Variants in CRTC1 observed in about 807,000 individuals in gnomAD.
CRTC1 encodes the protein CREB regulated transcription coactivator 1.
Under a neutral mutation model 66.1 loss-of-function variants are expected in CRTC1, and 18 were observed. The ratio of observed to expected loss-of-function variants is 0.27; its 90% CI spans 0.19 to 0.40. The LOEUF is 0.40. CRTC1 is among the 10% of genes least tolerant of loss of function. The pLI, the probability that CRTC1 is intolerant of heterozygous loss-of-function variation, is 1.00. For synonymous variants in CRTC1, 416 were observed against 398.8 expected, an observed-to-expected ratio of 1.04 and a Z score of -0.51; for missense variants, 669 against 887.9, an observed-to-expected ratio of 0.75 and a Z score of 3.13.
intron 1 of CRTC1, among the ~76,000 whole-genome samples, chr19:18,693,491 T>G (rs973269818): frequency 7.9e-5 from 12 of 151,224 alleles, no homozygotes; most frequent in Non-Finnish European, 1.0e-4. Flanking sequence ...TTTTGTTTTT[T>G]TTTTTTTTGA....
At chr19:18,767,767 C>G (rs935310471) in intron 9 of CRTC1, among the ~76,000 whole-genome samples, 3 of 152,212 alleles carry the variant, frequency 2.0e-5, no homozygotes, top group African/African-American at 7.2e-5. Context: ...TCTGGAAACT[C>G]CTTTCTCTTC....
Position 18,775,686 on chromosome 19 carries a change from C to A in CRTC1, c.1558C>A (p.Leu520Met), listed in dbSNP as rs745775667. ...GGAGAACGCCATCAGCTCCAGCAGC[C>A]TGTACAGCCCGGGCTCCACACTCAA... The part of the protein sequence containing the change: ...MMENAISSSS[L>M]YSPGSTLNYS... The change falls in exon 13 of 14, where the codon CTG becomes ATG. Residue 520 changes from leucine (L) to methionine (M), a missense_variant. This residue lies in a region of CRTC1 where 79 missense variants were observed against 100.1 expected (regional missense o/e 0.79). Coordinates refer to ENST00000321949, the MANE Select transcript of CRTC1 (RefSeq NM_015321.3). 1.9e-6 allele frequency: 3 copies of A among 1,611,450 alleles called. No individual in the cohort carries two copies. The highest frequency in any genetic ancestry group is 1.7e-5 in the Admixed American group (1 of 59,634).
Position 18,760,186 on chromosome 19 carries a change from G to A in CRTC1, c.844G>A (p.Ala282Thr), listed in dbSNP as rs369687682. 9.3e-6 allele frequency: 15 copies of A among 1,612,988 alleles called. No individual in the cohort carries two copies. Among genetic ancestry groups the A allele is most frequent in the East Asian group, 6.7e-5 (3 of 44,874 alleles). The part of the protein sequence containing the change: ...LSSSSSTGNL[A>T]ANLTHLGIGG... ...CAGCTCCAGCAGCACCGGCAACCTC[G>A]CGGCCAACCTGACGCACCTGGGCAT... is the stretch of plus-strand genomic sequence containing the variant. The change falls in exon 8 of 14, where the codon GCG (alanine) becomes ACG (threonine). Residue 282 changes from alanine to threonine, a missense_variant. Ala to Thr is a moderately conservative substitution (Grantham distance 58, BLOSUM62 0). Around this residue, in one of 8 missense-constraint regions of CRTC1, gnomAD observed 214 missense variants for 323.4 expected, o/e 0.66. Transcript: ENST00000321949. This position sits in a 1 kb window ranked among gnomAD's most constrained non-coding sequence, Gnocchi z 6.2.
Position 18,743,661 on chromosome 19 carries a change from A to G in CRTC1, c.243+635A>G, listed in dbSNP as rs373955531. ...GGGTCACACCTACTCTGTGGCTGAG[A>G]AAACCACCTCGGACACAGCCATGGC... is the stretch of plus-strand genomic sequence containing the variant. On this transcript the variant is annotated intron_variant, in intron 2 of 13. Transcript: ENST00000321949. Among the ~76,000 whole-genome samples, 11 of 152,224 alleles carry G rather than the reference A, an allele frequency of 7.2e-5. No homozygotes were observed. In the East Asian group the frequency reaches 7.8e-4, roughly 11 times the overall value.
intron 4 of CRTC1, among the ~76,000 whole-genome samples, chr19:18,748,514 C>T (rs570157080): frequency 2.3e-4 from 34 of 146,364 alleles, no homozygotes; most frequent in African/African-American, 8.0e-4. Context: ...GCCACTGTGC[C>T]TGGCTGTTAT....
At chr19:18,733,554 G>A (rs4808852) in intron 1 of CRTC1, among the ~76,000 whole-genome samples, 33,538 of 152,170 alleles carry the variant, frequency 0.22, 3,897 homozygotes, top group East Asian at 0.3. Context: ...CCAGGGCCCA[G>A]GAGACTCAGC....
rs1431103687 is a variant in CRTC1, at chr19:18,771,985, C to T, written c.1425+439C>T. Among the ~76,000 whole-genome samples the T allele has an allele frequency of 6.6e-6, 1 of 152,314 alleles. No individual in the cohort carries two copies. The highest frequency in any genetic ancestry group is 1.9e-4 in the East Asian group (1 of 5,180). On this transcript the variant is annotated intron_variant, in intron 11 of 13. Transcript: ENST00000321949. The surrounding 1 kb of genome is among the most constrained non-coding windows in gnomAD (Gnocchi z 4.6). ...CGCTGACTCTGCAGCCCTGCTTTCC[C>T]CTTCACCCCATAGGCAGCTGTGTTT...
intron 6 of CRTC1, among the ~76,000 whole-genome samples, chr19:18,756,164 T>C (rs2054480604): frequency 6.6e-6 from 1 of 151,776 alleles, no homozygotes; most frequent in African/African-American, 2.4e-5. Flanking sequence ...TAAAATCCCG[T>C]TTCTACTAAA....
At chr19:18,735,883 C>T (rs80349279) in intron 1 of CRTC1, among the ~76,000 whole-genome samples, 2,122 of 152,304 alleles carry the variant, frequency 0.014, 28 homozygotes, top group Middle Eastern at 0.051. Context: ...GCTGTGGGCT[C>T]GTGTGAGCAG....
intron 1 of CRTC1, among the ~76,000 whole-genome samples, chr19:18,711,659 C>T (rs183134391): frequency 2.4e-4 from 36 of 152,238 alleles, no homozygotes; most frequent in African/African-American, 8.4e-4. Flanking sequence ...GTGGGTGGGG[C>T]GGCCGTGCTG....
intron 2 of CRTC1, among the ~76,000 whole-genome samples, chr19:18,743,412 A>C (rs2054154231): frequency 6.6e-6 from 1 of 152,226 alleles, no homozygotes; most frequent in African/African-American, 2.4e-5. Context: ...CTTGTCTGCA[A>C]ACGTTTCTTG....
intron 2 of CRTC1, among the ~76,000 whole-genome samples, chr19:18,745,469 A>G (rs2054210654): frequency 6.6e-6 from 1 of 152,156 alleles, no homozygotes; most frequent in Non-Finnish European, 1.5e-5. Flanking sequence ...GCCTGTCTGC[A>G]CCTGGTGAGA....
At chr19:18,732,596 G>T (rs1205593349) in intron 1 of CRTC1, among the ~76,000 whole-genome samples, 1 of 152,158 alleles carries the variant, frequency 6.6e-6, no homozygotes, top group South Asian at 2.1e-4. Context: ...AGGGCTTCCT[G>T]GGGAGGTAGT....
intron 1 of CRTC1, among the ~76,000 whole-genome samples, chr19:18,722,676 T>C (rs1454969589): frequency 2.0e-5 from 3 of 152,188 alleles, no homozygotes; most frequent in Non-Finnish European, 4.4e-5. Flanking sequence ...TGGTGGCGTG[T>C]AGCACACTCC....
intron 6 of CRTC1, among the ~76,000 whole-genome samples, chr19:18,754,419 G>A (rs1029515434): frequency 6.6e-5 from 10 of 152,116 alleles, no homozygotes; most frequent in African/African-American, 1.7e-4. Context: ...AGGGTGAGGC[G>A]GGAGTATCAC....
At chr19:18,774,563 C>T (rs2054940616) in intron 11 of CRTC1, among the ~76,000 whole-genome samples, 1 of 152,348 alleles carries the variant, frequency 6.6e-6, no homozygotes, top group East Asian at 1.9e-4. Context: ...ACAGGTTCTC[C>T]TCTGGGGCCT....
intron 4 of CRTC1, 113 bp from the exon 5 acceptor site, chr19:18,749,668 A>G: frequency 1.2e-6 from 1 of 868,680 alleles, no homozygotes; most frequent in Non-Finnish European, 1.9e-6. Context: ...GCAGCTCACA[A>G]AAATGATCCA....
chr19:18,711,094 T>C (rs1600809753), intron 1 of CRTC1, among the ~76,000 whole-genome samples: 1 of 152,230 alleles, frequency 6.6e-6, no homozygotes, highest in Non-Finnish European at 1.5e-5. Flanking sequence ...GTAAATTTCC[T>C]TGGGGTTTTG....
intron 1 of CRTC1, among the ~76,000 whole-genome samples, chr19:18,733,721 A>G (rs1342911768): frequency 1.3e-5 from 2 of 152,242 alleles, no homozygotes; most frequent in African/African-American, 2.4e-5. Context: ...GACCCACGGC[A>G]TGGAGGGACT....
Sources: allele counts gnomAD v4.1 joint callset (sites outside exome capture counted in the v4.1 genomes callset), GRCh38; gene constraint gnomAD v4.1.1; regional missense constraint gnomAD v4.1.1; non-coding constraint Gnocchi (gnomAD v3.1); transcripts MANE v1.5; gene names NCBI Gene and HGNC (gene_info 2026-07-23, HGNC 2026-07-21).